Variants in ERO1A observed in about 807,000 individuals in gnomAD.
ERO1A encodes ERO1-like protein alpha.
ERO1A carries 49 observed loss-of-function variants against 76.9 expected under a neutral mutation model. The observed-to-expected ratio is 0.64, with a 90% CI of 0.51 to 0.81. The LOEUF is 0.81. Among genes scored for constraint, ERO1A ranks in the 30% least tolerant of loss-of-function variants. The probability of loss-of-function intolerance (pLI) is 0.00; values close to 1 mark genes in which losing one functional copy is unlikely to be tolerated. For synonymous variants in ERO1A, 174 were observed against 181.2 expected (o/e 0.96, Z 0.32); for missense variants, 448 against 542.1 (o/e 0.83, Z 1.72).
rs1349733086 is a variant in ERO1A at position 52,642,101 on chromosome 14, T to TTCTC, written c.*1465_*1468dup. ...CGATTTTGAGGTATATAGCTTCTTTTTCTCTACAATTACCATGTGATATAA... is the reference window on the plus strand; with the variant it reads ...CGATTTTGAGGTATATAGCTTCTTTTTCTCTCTCTACAATTACCATGTGATATAA... On this transcript the variant is annotated 3_prime_UTR_variant, in exon 16 of 16. Coordinates refer to ENST00000395686, the MANE Select transcript of ERO1A (RefSeq NM_014584.3). 3.3e-5 allele frequency: 5 copies of TTCTC among 152,214 alleles called. No individual in the cohort carries two copies. Among genetic ancestry groups the TTCTC allele is most frequent in the African/African-American group, 1.2e-4 (5 of 41,454 alleles). The allele number at this position is 152,214 out of a possible 1,614,324, so 9.4% of individuals were successfully genotyped here.
In ERO1A at chr14:52,663,829, T is replaced by C. The variant is rs769801248; in HGVS notation, c.648A>G (p.Arg216=). The change falls in exon 8 of 16, where the codon AGA becomes AGG. Residue 216 remains arginine (R), a synonymous_variant. Coordinates refer to ENST00000395686, the MANE Select transcript of ERO1A (RefSeq NM_014584.3). ...GACCAGAAGCCAAAGGATTTAAAGG[T>C]CTTTTAATTGTCTGTGGCCTAGAAG... ...ENCFKPQTIK[R]PLNPLASGQG... is the part of the protein sequence containing the mutation. 27 of 1,566,766 alleles carry C rather than the reference T, an allele frequency of 1.7e-5. No homozygotes were observed. The Admixed American group carries it at 2.7e-4, about 16-fold the overall frequency.
intron 11 of ERO1A, 64 bp from the exon 12 acceptor site, chr14:52,653,379 A>G: frequency 7.5e-7 from 1 of 1,333,402 alleles, no homozygotes; most frequent in East Asian, 2.3e-5. Flanking sequence ...TAATTATATT[A>G]GGTTATTCAT....
chr14:52,661,602 T>C (rs1283262699), intron 8 of ERO1A, among the ~76,000 whole-genome samples: 2 of 152,150 alleles, frequency 1.3e-5, no homozygotes, highest in African/African-American at 2.4e-5. Context: ...CACCTGAGAG[T>C]ACTCTTCAAT....
At chr14:52,679,322 C>G (rs1227420087) in intron 3 of ERO1A, among the ~76,000 whole-genome samples, 1 of 152,180 alleles carries the variant, frequency 6.6e-6, no homozygotes, top group Non-Finnish European at 1.5e-5. Flanking sequence ...AGTTAACATT[C>G]TAACTCTGAT....
intron 15 of ERO1A, among the ~76,000 whole-genome samples, chr14:52,645,905 A>G (rs2039636635): frequency 6.6e-6 from 1 of 151,880 alleles, no homozygotes; most frequent in African/African-American, 2.4e-5. Flanking sequence ...GCGTGGTGTC[A>G]CGCACCTGTA....
At chr14:52,668,775 A>G (rs953704918) in intron 6 of ERO1A, among the ~76,000 whole-genome samples, 1 of 148,282 alleles carries the variant, frequency 6.7e-6, no homozygotes. Context: ...TTATAATTAT[A>G]CTATAATTAT....
At chr14:52,645,263 G>T (rs1387600194) in intron 15 of ERO1A, among the ~76,000 whole-genome samples, 1 of 149,960 alleles carries the variant, frequency 6.7e-6, no homozygotes, top group Non-Finnish European at 1.5e-5. Context: ...AAAATTCAAT[G>T]AGTAATTATA....
rs189340581 is a variant in ERO1A, at chr14:52,681,464, G to A, written c.318+861C>T. ...ACTAAAAATACAAAATTAGCTGGGC[G>A]TGGTGGCACACACCTGTAATCCCAG... On this transcript the variant is annotated intron_variant, in intron 3 of 15. Transcript: ENST00000395686. Among the ~76,000 whole-genome samples the A allele has an allele frequency of 2.6e-3, 389 of 151,888 alleles. 3 individuals carry two copies. The highest frequency in any genetic ancestry group is 8.9e-3 in the African/African-American group (368 of 41,422).
In ERO1A at chr14:52,661,908, AAT is replaced by A. The variant is rs571603431; in HGVS notation, c.677-606_677-605del. On this transcript the variant is annotated intron_variant, in intron 8 of 15. Transcript: ENST00000395686. ...ATTAAAGAAATATATAATCATTGCAAATATATGTTTTTAAAAAAAAGACAAAA... is the reference window on the plus strand; with the variant it reads ...ATTAAAGAAATATATAATCATTGCAAATATGTTTTTAAAAAAAAGACAAAA... 3.1e-3 allele frequency among the ~76,000 whole-genome samples: 476 copies of A among 152,124 alleles called. 4 individuals carry two copies. The highest frequency in any genetic ancestry group is 9.7e-3 in the African/African-American group (401 of 41,534).
chr14:52,666,108 A>G (rs183627913), intron 7 of ERO1A, among the ~76,000 whole-genome samples: 2 of 152,328 alleles, frequency 1.3e-5, no homozygotes, highest in East Asian at 1.9e-4. Flanking sequence ...TACCTTAACT[A>G]TAAAATGAGA....
Position 52,661,300 on chromosome 14 carries a change from T to C in ERO1A, c.681A>G (p.Thr227=), listed in dbSNP as rs761898576. 1 of 1,361,566 alleles carries C rather than the reference T, an allele frequency of 7.3e-7. No individual in the cohort carries two copies. Among genetic ancestry groups the C allele is most frequent in the South Asian group, 1.7e-5 (1 of 59,362 alleles). The allele number at this position is 1,361,566 out of a possible 1,614,324, so 84.3% of individuals were successfully genotyped here. A position where few individuals can be genotyped will look rare whatever the true frequency, so the allele number is the denominator to read the frequency against. The stretch of plus-strand genomic sequence containing the variant: ...ATAATAAATTATACTTACCTTCACT[T>C]GTCCCTGAAAAGCAAAACAAAATGT... ...PLNPLASGQG[T]SEENTFYSWL... is the part of the protein sequence containing the mutation. The change falls in exon 9 of 16, where the codon ACA becomes ACG. Residue 227 remains threonine (T), a synonymous_variant. Transcript: ENST00000395686.
chr14:52,658,852 C>G (rs906476121), intron 9 of ERO1A, among the ~76,000 whole-genome samples: 1 of 151,930 alleles, frequency 6.6e-6, no homozygotes, highest in Non-Finnish European at 1.5e-5. Flanking sequence ...AAATATTATA[C>G]AAAAGGCATA....
chr14:52,671,335 T>C (rs568170091), intron 6 of ERO1A, among the ~76,000 whole-genome samples: 1 of 152,344 alleles, frequency 6.6e-6, no homozygotes, highest in Non-Finnish European at 1.5e-5. Context: ...TTTTTTTGAG[T>C]ATATACCTAG....
At chr14:52,663,758 C>T (rs1347055199) in intron 8 of ERO1A, 43 bp downstream of exon 8, 1 of 1,212,652 alleles carries the variant, frequency 8.2e-7, no homozygotes, top group Non-Finnish European at 1.2e-6. Flanking sequence ...AATTAAAGTT[C>T]CCTGGCTGAG....
intron 1 of ERO1A, among the ~76,000 whole-genome samples, chr14:52,690,570 G>A (rs1196926113): frequency 3.3e-5 from 5 of 152,066 alleles, no homozygotes; most frequent in African/African-American, 7.2e-5. Context: ...GCAAGGTGGC[G>A]GGTGCCTGTA....
chr14:52,687,902 C>T (rs11626437), intron 1 of ERO1A, among the ~76,000 whole-genome samples: 43,305 of 151,990 alleles, frequency 0.28, 6,437 homozygotes, highest in South Asian at 0.44. Context: ...TTCCAGCCTT[C>T]TGTTCCAGCA....
rs1450311224 is a variant in ERO1A at position 52,643,514 on chromosome 14, A to C, written c.*56T>G. ...TCATTGCTATTATGCCTTTGAATGA[A>C]ATTCCACTCTTTCGCCTCCATTGTC... On this transcript the variant is annotated 3_prime_UTR_variant, in exon 16 of 16. Transcript: ENST00000395686. 1 of 1,199,622 alleles carries C rather than the reference A, an allele frequency of 8.3e-7. No homozygotes were observed. Among genetic ancestry groups the C allele is most frequent in the East Asian group, 2.9e-5 (1 of 34,578 alleles). 74.3% of individuals were successfully genotyped at this position (1,199,622 alleles called of 1,614,324 possible). A position where few individuals can be genotyped will look rare whatever the true frequency, so the allele number is the denominator to read the frequency against.
In ERO1A at chr14:52,652,256, CT is replaced by C. The variant is rs777473421; in HGVS notation, c.1107del (p.Glu370LysfsTer5). ...DENSFFAGDK[K>X]EAHKLKEDFR... is the part of the protein sequence containing the mutation. ...GTAATTACCTTTAGTTTGTGTGCTT[CT>C]TTTTTATCCCCAGCAAAAAATGAAT... On this transcript the variant is annotated frameshift_variant, in exon 13 of 16. Transcript: ENST00000395686. LOFTEE classifies it high-confidence loss of function. 1.2e-6 allele frequency: 2 copies of C among 1,607,102 alleles called. No individual in the cohort carries two copies. The highest frequency in any genetic ancestry group is 1.7e-6 in the Non-Finnish European group (2 of 1,173,786).
At chr14:52,666,663 C>A (rs1234919586) in intron 6 of ERO1A, among the ~76,000 whole-genome samples, 168 bp from the exon 7 acceptor site, 1 of 152,144 alleles carries the variant, frequency 6.6e-6, no homozygotes, top group East Asian at 1.9e-4. Context: ...GGGTGTGGTG[C>A]CTCACACCTG....
Sources: allele counts gnomAD v4.1 joint callset (sites outside exome capture counted in the v4.1 genomes callset), GRCh38; gene constraint gnomAD v4.1.1; transcripts MANE v1.5; gene names NCBI Gene and HGNC (gene_info 2026-07-23, HGNC 2026-07-21).